The following DPF2 variants were observed in gnomAD, a reference collection of about 807,000 sequenced individuals.
DPF2 encodes the protein zinc finger protein ubi-d4.
DPF2 carries 10 observed loss-of-function variants against 59.6 expected under a neutral mutation model. The observed-to-expected ratio is 0.17, with a 90% confidence interval of 0.10 to 0.28. The LOEUF is 0.28. Ranked by LOEUF, DPF2 falls within the 10% of genes least tolerant of loss-of-function variation. DPF2 has a pLI of 1.00. For missense variants in DPF2, 315 were observed against 509.4 expected (o/e 0.62, Z 3.67); for synonymous variants, 189 against 190.6 (o/e 0.99, Z 0.07).
At chr11:65,339,752 C>T (rs1400535539) in intron 1 of DPF2, among the ~76,000 whole-genome samples, 1 of 152,192 alleles carries the variant, frequency 6.6e-6, no homozygotes, top group African/African-American at 2.4e-5. Context: ...TTTTATTTGA[C>T]GCTTCTCAGC....
intron 4 of DPF2, among the ~76,000 whole-genome samples, chr11:65,342,192 A>G (rs2137695368): frequency 6.6e-6 from 1 of 152,314 alleles, no homozygotes; most frequent in East Asian, 1.9e-4. Context: ...ACATTTTGCC[A>G]CATTTGCCTT....
At chr11:65,348,611 GAAAAAA>G (rs56032535) in intron 9 of DPF2, 43 of 239,784 alleles carry the variant, frequency 1.8e-4, no homozygotes, top group Admixed American at 4.7e-4. Context: ...GGGCTTTAGG[GAAAAAA>G]AAAAAAAAAA....
intron 6 of DPF2, 185 bp from the exon 7 acceptor site, chr11:65,345,481 G>T (rs375695620): frequency 9.5e-6 from 7 of 736,932 alleles, no homozygotes; most frequent in East Asian, 5.4e-5. Context: ...AAGCTAGAGA[G>T]CCCCACGGCC....
chr11:65,333,985 TG>T lies in DPF2; in HGVS notation c.32+72del, dbSNP rs532423803. The T allele has an allele frequency of 3.9e-4, 571 of 1,474,910 alleles. 2 individuals carry two copies. The African/African-American group carries it at 7.6e-3, about 20-fold the overall frequency. 91.4% of individuals were successfully genotyped at this position (1,474,910 alleles called of 1,614,324 possible). A position where few individuals can be genotyped will look rare whatever the true frequency, so the allele number is the denominator to read the frequency against. On this transcript the variant is annotated intron_variant, in intron 1 of 10. Transcript: ENST00000528416. The stretch of plus-strand genomic sequence containing the variant: ...TAAAGGGCCTGGGAGTAGGGGGCGG[TG>T]GGGGAAGGGACTAGGCGGAGAGAGG...
chr11:65,344,239 C>T (rs930752797), intron 6 of DPF2, 170 bp downstream of exon 6: 4 of 686,380 alleles, frequency 5.8e-6, no homozygotes, highest in African/African-American at 3.6e-5. Flanking sequence ...TGGGTCCCTG[C>T]TATATGACGG....
chr11:65,346,948 C>T (rs1854549781), intron 9 of DPF2: 1 of 152,338 alleles, frequency 6.6e-6, no homozygotes, highest in African/African-American at 2.4e-5. Flanking sequence ...GGGTTTTATT[C>T]TAGGTACAAC....
chr11:65,348,284 C>G (rs1402577647), intron 9 of DPF2: 1 of 151,322 alleles, frequency 6.6e-6, no homozygotes, highest in Admixed American at 6.6e-5. Context: ...GACCTTGTCT[C>G]AAAAAGAAAT....
rs564261730 is a variant in DPF2, at chr11:65,344,496, G to A, written c.637+427G>A. ...CCATCGCCGCTGGGGTTTCTCTCTC[G>A]TTTGCTCTGCTTTCCTGCTGCTGCT... On this transcript the variant is annotated intron_variant, in intron 6 of 10. Transcript: ENST00000528416. The A allele has an allele frequency of 6.4e-6, 9 of 1,407,494 alleles. No homozygotes were observed. The East Asian group carries it at 1.0e-4, about 16-fold the overall frequency. The allele number at this position is 1,407,494 out of a possible 1,614,324, so 87.2% of individuals were successfully genotyped here. A position where few individuals can be genotyped will look rare whatever the true frequency, so the allele number is the denominator to read the frequency against.
At chr11:65,340,916 CT>C in intron 2 of DPF2, 49 bp from the exon 3 acceptor site, 1 of 1,563,938 alleles carries the variant, frequency 6.4e-7, no homozygotes. Context: ...TTTGGTATTA[CT>C]TTCTAATACT....
chr11:65,337,399 G>A (rs1299981520), intron 1 of DPF2, among the ~76,000 whole-genome samples: 1 of 141,018 alleles, frequency 7.1e-6, no homozygotes, highest in Non-Finnish European at 1.5e-5. Context: ...GCTGCAGTGA[G>A]CCGAGATTGC....
chr11:65,335,822 T>A (rs1174828993), intron 1 of DPF2, among the ~76,000 whole-genome samples: 1 of 152,146 alleles, frequency 6.6e-6, no homozygotes, highest in Non-Finnish European at 1.5e-5. Flanking sequence ...TCTTTTTTTT[T>A]ATTTTTTTAG....
At chr11:65,347,687 C>T (rs1291446033) in intron 9 of DPF2, 3 of 151,072 alleles carry the variant, frequency 2.0e-5, no homozygotes, top group African/African-American at 7.3e-5. Context: ...TGGAGTTTTA[C>T]TCTTGTCATC....
intron 1 of DPF2, among the ~76,000 whole-genome samples, chr11:65,335,469 G>C (rs1253197114): frequency 6.6e-6 from 1 of 152,184 alleles, no homozygotes; most frequent in Non-Finnish European, 1.5e-5. Flanking sequence ...AAATAGGGTT[G>C]CCAGTGCTTT....
chr11:65,350,724 G>A (rs1331521498), intron 10 of DPF2, among the ~76,000 whole-genome samples: 1 of 151,488 alleles, frequency 6.6e-6, no homozygotes, highest in South Asian at 2.1e-4. Flanking sequence ...GCTGTGCACT[G>A]TGGCTCGCAT....
At chr11:65,341,199 C>A in intron 3 of DPF2, 126 bp downstream of exon 3, 3 of 1,252,916 alleles carry the variant, frequency 2.4e-6, no homozygotes, top group South Asian at 1.4e-5. Context: ...GTGATTCTTT[C>A]CTTTAAGGAC....
chr11:65,351,758 G>T lies in DPF2; in HGVS notation c.1175G>T (p.Ter392LeuextTer11). 1 of 1,612,896 alleles carries T rather than the reference G, an allele frequency of 6.2e-7. No homozygotes were observed. The highest frequency in any genetic ancestry group is 8.5e-7 in the Non-Finnish European group (1 of 1,180,022). The change falls in exon 11 of 11, where the codon TGA becomes TTA. Residue 392 changes from the stop codon to leucine, a stop_lost. Transcript: ENST00000528416. The part of the protein sequence containing the change: ...ASIYQNQNSS[*>L] ...ATCTACCAGAACCAGAACTCCTCTT[G>T]ATGTGGCCACCCACCTGCTCCCCGA...
chr11:65,345,559 A>G (rs1022838466), intron 6 of DPF2, 107 bp from the exon 7 acceptor site: 18 of 1,484,598 alleles, frequency 1.2e-5, no homozygotes, highest in Non-Finnish European at 1.6e-5. Flanking sequence ...TGCTAGGGGA[A>G]GGGATGGTTG....
chr11:65,344,274 G>T lies in DPF2; in HGVS notation c.637+205G>T, dbSNP rs975270957. On this transcript the variant is annotated intron_variant, in intron 6 of 10. Coordinates refer to ENST00000528416, the MANE Select transcript of DPF2 (RefSeq NM_006268.5). ...GGTGGGACCTGCATGCTCTGGGAAA[G>T]ATTTCTGCCATCCTCTGGGGTAGGG... 12 of 630,756 alleles carry T rather than the reference G, an allele frequency of 1.9e-5. 1 individual carries two copies. The highest frequency in any genetic ancestry group is 1.6e-4 in the African/African-American group (9 of 54,598). 39.1% of individuals were successfully genotyped at this position (630,756 alleles called of 1,614,324 possible).
Position 65,352,941 on chromosome 11 carries a change from GTAT to G in DPF2, c.*1184_*1186del, listed in dbSNP as rs1022641447. On this transcript the variant is annotated 3_prime_UTR_variant, in exon 11 of 11. Coordinates refer to ENST00000528416, the MANE Select transcript of DPF2 (RefSeq NM_006268.5). Reference sequence around the variant, plus strand: ...TTTTTTTTTTCTTTCTTTAGTTCCTGTATTCTAAACATTAGTAAAAATAAATGT... The same window carrying G: ...TTTTTTTTTTCTTTCTTTAGTTCCTGTCTAAACATTAGTAAAAATAAATGT... The G allele has an allele frequency of 6.6e-6, 1 of 151,690 alleles. No homozygotes were observed. Among genetic ancestry groups the G allele is most frequent in the African/African-American group, 2.4e-5 (1 of 41,138 alleles). 9.4% of individuals were successfully genotyped at this position (151,690 alleles called of 1,614,324 possible). A position where few individuals can be genotyped will look rare whatever the true frequency, so the allele number is the denominator to read the frequency against.
Sources: allele counts gnomAD v4.1 joint callset (sites outside exome capture counted in the v4.1 genomes callset), GRCh38; gene constraint gnomAD v4.1.1; transcripts MANE v1.5; gene names NCBI Gene and HGNC (gene_info 2026-07-23, HGNC 2026-07-21).